The following GNLY variants were observed in gnomAD, a reference collection of about 807,000 sequenced individuals.
GNLY encodes T-cell activation protein 519.
GNLY carries 15 observed loss-of-function variants against 18.5 expected under a neutral mutation model. The observed-to-expected ratio is 0.81, with a 90% CI of 0.54 to 1.25. The LOEUF (loss-of-function observed/expected upper bound fraction) is 1.25, where lower values mean the gene tolerates loss of function less well. Ranked by LOEUF, GNLY falls within the 50% of genes most tolerant of loss-of-function variation. The probability of loss-of-function intolerance (pLI) is 0.00; values close to 1 mark genes in which losing one functional copy is unlikely to be tolerated. For synonymous variants in GNLY, 77 were observed against 74.9 expected (o/e 1.03, Z -0.14); for missense variants, 178 against 186.9 (o/e 0.95, Z 0.28).
Position 85,698,739 on chromosome 2 carries a change from C to A in GNLY, c.*165C>A. 6.5e-7 allele frequency: 1 copy of A among 1,537,096 alleles called. No individual in the cohort carries two copies. Among genetic ancestry groups the A allele is most frequent in the South Asian group, 1.2e-5 (1 of 84,610 alleles). On this transcript the variant is annotated 3_prime_UTR_variant, in exon 5 of 5. Transcript: ENST00000263863. ...CTCCCCTCTCACGAGAATAAAGTGT[C>A]AAGCAAGATTTTAGCCGCAGCTGCT...
Position 85,697,506 on chromosome 2 carries a change from A to G in GNLY, c.256A>G (p.Arg86Gly), listed in dbSNP as rs1678500862. The change falls in exon 4 of 5, where the codon AGA becomes GGA. Residue 86 changes from arginine (R) to glycine (G), a missense_variant and splice_region_variant. Transcript: ENST00000263863. Reference sequence around the variant, plus strand: ...GTCCACTGTGGTGCTGCTGCTGCAGAGAAGTGTTTCCAATGCTGCGACCCG... The same window carrying G: ...GTCCACTGTGGTGCTGCTGCTGCAGGGAAGTGTTTCCAATGCTGCGACCCG... Reference protein sequence around the residue: ...LKKMVDKPTQRSVSNAATRVC... With the variant: ...LKKMVDKPTQGSVSNAATRVC... The G allele has an allele frequency of 1.9e-6, 3 of 1,612,112 alleles. No homozygotes were observed. In the South Asian group the frequency reaches 3.3e-5, roughly 18 times the overall value.
In GNLY at chr2:85,697,767, T is replaced by C. The variant is rs114375223; in HGVS notation, c.427+90T>C. 3,713 of 854,922 alleles carry C rather than the reference T, an allele frequency of 4.3e-3. 107 individuals carry two copies. In the African/African-American group the frequency reaches 0.056, roughly 13 times the overall value. 53.0% of individuals were successfully genotyped at this position (854,922 alleles called of 1,614,324 possible). A position where few individuals can be genotyped will look rare whatever the true frequency, so the allele number is the denominator to read the frequency against. On this transcript the variant is annotated intron_variant, in intron 4 of 4. Coordinates refer to ENST00000263863, the MANE Select transcript of GNLY (RefSeq NM_006433.5). Reference sequence around the variant, plus strand: ...TCAAAGCTGCCTCCTTACTCCCCCATCTCCCAGCTTGGGAAAGTGTGGAGA... The same window carrying C: ...TCAAAGCTGCCTCCTTACTCCCCCACCTCCCAGCTTGGGAAAGTGTGGAGA...
chr2:85,697,121 G>A, intron 3 of GNLY: 1 of 181,488 alleles, frequency 5.5e-6, no homozygotes, highest in Non-Finnish European at 1.1e-5. Flanking sequence ...CACCCCACCA[G>A]TCTTCTCTAT....
Position 85,694,400 on chromosome 2 carries a change from T to C in GNLY, c.-19T>C. The C allele has an allele frequency of 6.2e-7, 1 of 1,613,450 alleles. No homozygotes were observed. Among genetic ancestry groups the C allele is most frequent in the South Asian group, 1.1e-5 (1 of 91,032 alleles). ...CCCATAAAACAGGGTGTGAAAGGCA[T>C]CTCAGCGGCTGCCCCACCATGGCTA... On this transcript the variant is annotated 5_prime_UTR_variant, in exon 1 of 5. Transcript: ENST00000263863.
At position 85,696,003 on chromosome 2, in the gene GNLY, A is replaced by C; in HGVS notation, c.202A>C (p.Thr68Pro). 6.2e-7 allele frequency: 1 copy of C among 1,612,804 alleles called. No homozygotes were observed. The highest frequency in any genetic ancestry group is 8.5e-7 in the Non-Finnish European group (1 of 1,178,910). ...KTQELGRDYR[T>P]CLTIVQKLKK... ...ACAGGAGCTGGGCCGTGACTACAGG[A>C]CCTGTCTGACGATAGTCCAAAAACT... The change falls in exon 3 of 5, where the codon ACC becomes CCC. Residue 68 changes from threonine (T) to proline (P), a missense_variant. Physicochemically the swap from Thr to Pro is conservative, Grantham distance 38 (BLOSUM62 -1). Transcript: ENST00000263863.
intron 4 of GNLY, chr2:85,698,261 A>T: frequency 1.6e-6 from 1 of 617,112 alleles, no homozygotes; most frequent in Non-Finnish European, 3.0e-6. Context: ...GGCTGTAGGA[A>T]ATGGGGCCAG....
In GNLY at chr2:85,696,068, G is replaced by A. The variant is rs760741630; in HGVS notation, c.255+12G>A. 4.1e-6 allele frequency: 6 copies of A among 1,452,094 alleles called. No homozygotes were observed. The highest frequency in any genetic ancestry group is 5.8e-6 in the Non-Finnish European group (6 of 1,035,198). 90.0% of individuals were successfully genotyped at this position (1,452,094 alleles called of 1,614,324 possible). ...ATAAGCCCACCCAGGTGAGGCCAAG[G>A]GGCTACAGAGCCTCCTGTCTGCTGC... On this transcript the variant is annotated intron_variant, in intron 3 of 4. Coordinates refer to ENST00000263863, the MANE Select transcript of GNLY (RefSeq NM_006433.5).
chr2:85,697,276 A>G, intron 3 of GNLY: 1 of 532,014 alleles, frequency 1.9e-6, no homozygotes, highest in Non-Finnish European at 3.4e-6. Flanking sequence ...AGACCCCAGC[A>G]GGGCTAACTG....
rs373740814 is a variant in GNLY, at chr2:85,694,475, G to A, written c.52+5G>A. ...CCATGCTCCTGGGCAACCCAGGTAAGGCCTTCCCCTCGGGATCGATCCTGA... is the reference window on the plus strand; with the variant it reads ...CCATGCTCCTGGGCAACCCAGGTAAAGCCTTCCCCTCGGGATCGATCCTGA... On this transcript the variant is annotated splice_donor_5th_base_variant and intron_variant, in intron 1 of 4. Coordinates refer to ENST00000263863, the MANE Select transcript of GNLY (RefSeq NM_006433.5). The A allele has an allele frequency of 6.2e-7, 1 of 1,613,628 alleles. No homozygotes were observed. Among genetic ancestry groups the A allele is most frequent in the African/African-American group, 1.3e-5 (1 of 74,944 alleles).
chr2:85,696,290 T>G, intron 3 of GNLY: 1 of 477,520 alleles, frequency 2.1e-6, no homozygotes, highest in Non-Finnish European at 3.7e-6. Flanking sequence ...ATGGTTTTCA[T>G]CATGTATCCT....
chr2:85,694,647 C>T (rs912613825), intron 1 of GNLY, 177 bp downstream of exon 1: 22 of 1,105,556 alleles, frequency 2.0e-5, no homozygotes, highest in Non-Finnish European at 2.5e-5. Flanking sequence ...CAGTGTGCTG[C>T]CCAGCCTGTC....
In GNLY at chr2:85,694,423, C is replaced by T. The variant is rs149181100; in HGVS notation, c.5C>T (p.Ala2Val). The change falls in exon 1 of 5, where the codon GCT (alanine) becomes GTT (valine). Residue 2 changes from alanine to valine, a missense_variant. By Grantham distance (64) the Ala-to-Val change is moderately conservative. Coordinates refer to ENST00000263863, the MANE Select transcript of GNLY (RefSeq NM_006433.5). The part of the protein sequence containing the change: M[A>V]TWALLLLAAM... Reference sequence around the variant, plus strand: ...CATCTCAGCGGCTGCCCCACCATGGCTACCTGGGCCCTCCTGCTCCTTGCA... The same window carrying T: ...CATCTCAGCGGCTGCCCCACCATGGTTACCTGGGCCCTCCTGCTCCTTGCA... 1.4e-4 allele frequency: 220 copies of T among 1,614,058 alleles called. No homozygotes were observed. The African/African-American group carries it at 2.3e-3, about 17-fold the overall frequency.
At chr2:85,694,719 C>A in intron 1 of GNLY, 1 of 1,435,522 alleles carries the variant, frequency 7.0e-7, no homozygotes, top group Non-Finnish European at 9.1e-7. Context: ...ACTGGCCACA[C>A]TGTGTGGCCT....
chr2:85,697,586 G>T lies in GNLY; in HGVS notation c.336G>T (p.Arg112Ser). Residue 112 changes from arginine (R) to serine (S), a missense_variant, in exon 4 of 5, where the codon AGG becomes AGT. By Grantham distance (110) the Arg-to-Ser change is moderately radical. Transcript: ENST00000263863. ...GCGACGTCTGCAGAAATTTCATGAG[G>T]AGGTATCAGTCTAGAGTTACCCAGG... ...RWRDVCRNFMRRYQSRVTQGL... is the reference protein window; with the variant it reads ...RWRDVCRNFMSRYQSRVTQGL... The T allele has an allele frequency of 6.2e-7, 1 of 1,613,182 alleles. No homozygotes were observed. The highest frequency in any genetic ancestry group is 8.5e-7 in the Non-Finnish European group (1 of 1,179,276).
At chr2:85,695,934 C>G (rs1042566586) in intron 2 of GNLY, 24 bp from the exon 3 acceptor site, 2 of 1,418,996 alleles carry the variant, frequency 1.4e-6, no homozygotes, top group African/African-American at 2.8e-5. Context: ...GAGAGACCAT[C>G]ATAAGGGCTT....
intron 1 of GNLY, 137 bp downstream of exon 1, chr2:85,694,607 C>T: frequency 1.1e-6 from 1 of 894,774 alleles, no homozygotes; most frequent in East Asian, 3.0e-5. Flanking sequence ...GTCATGGAGG[C>T]CTGGCCTCCC....
At chr2:85,696,408 C>G in intron 3 of GNLY, 1 of 219,510 alleles carries the variant, frequency 4.6e-6, no homozygotes. Context: ...TGGGTCAGGA[C>G]TGATAAATCC....
At chr2:85,697,436 A>G in intron 3 of GNLY, 70 bp from the exon 4 acceptor site, 1 of 1,380,238 alleles carries the variant, frequency 7.2e-7, no homozygotes, top group Non-Finnish European at 1.0e-6. Flanking sequence ...GGGCTGCTGG[A>G]ACCTGCAGGG....
Position 85,698,823 on chromosome 2 carries a change from T to C in GNLY, c.*249T>C. On this transcript the variant is annotated 3_prime_UTR_variant, in exon 5 of 5. Coordinates refer to ENST00000263863, the MANE Select transcript of GNLY (RefSeq NM_006433.5). ...TGGCATGCTGGGGTGAGCTGTGTAG[T>C]CCTTCAATAAATGTCTGTCGTGTGT... 1 of 1,446,566 alleles carries C rather than the reference T, an allele frequency of 6.9e-7. No individual in the cohort carries two copies. Among genetic ancestry groups the C allele is most frequent in the South Asian group, 1.4e-5 (1 of 71,996 alleles). The allele number at this position is 1,446,566 out of a possible 1,614,324, so 89.6% of individuals were successfully genotyped here.
Sources: allele counts gnomAD v4.1 joint callset, GRCh38; gene constraint gnomAD v4.1.1; transcripts MANE v1.5; gene names NCBI Gene and HGNC (gene_info 2026-07-23, HGNC 2026-07-21).